Variants in F13A1 observed in about 807,000 individuals in gnomAD.
F13A1 encodes the protein FSF, A subunit.
In F13A1, 47 loss-of-function variants were observed where a neutral mutation model predicts 80.1. That is an observed-to-expected ratio of 0.59 (90% CI 0.46 to 0.75). The LOEUF (loss-of-function observed/expected upper bound fraction) is 0.75, where lower values mean the gene tolerates loss of function less well. F13A1 is among the 30% of genes least tolerant of loss of function. F13A1 has a pLI of 0.00. For missense variants in F13A1, 817 were observed against 930.4 expected, an observed-to-expected ratio of 0.88 and a Z score of 1.59; for synonymous variants, 349 against 344.9, an observed-to-expected ratio of 1.01 and a Z score of -0.13.
intron 13 of F13A1, among the ~76,000 whole-genome samples, chr6:6,166,778 G>C (rs1412809181): frequency 6.6e-6 from 1 of 152,232 alleles, no homozygotes; most frequent in East Asian, 1.9e-4. Context: ...TTTGGGCAGA[G>C]ATTTCTGGTG....
chr6:6,239,653 C>T (rs1467176521), intron 6 of F13A1, among the ~76,000 whole-genome samples: 1 of 152,100 alleles, frequency 6.6e-6, no homozygotes, highest in Non-Finnish European at 1.5e-5. Flanking sequence ...TGAGGATGCT[C>T]ATTTGGCCAA....
chr6:6,172,962 C>A (rs962184896), intron 12 of F13A1, among the ~76,000 whole-genome samples: 5 of 152,190 alleles, frequency 3.3e-5, no homozygotes, highest in Admixed American at 1.3e-4. Flanking sequence ...GCTTGACCAT[C>A]CCAGGGGAGC....
intron 4 of F13A1, among the ~76,000 whole-genome samples, chr6:6,251,724 G>A (rs1172922052): frequency 2.0e-5 from 3 of 152,138 alleles, no homozygotes; most frequent in Non-Finnish European, 2.9e-5. Context: ...TCAAGGTAAC[G>A]AAATAATTGA....
At chr6:6,200,231 CAAAT>C (rs754774717) in intron 8 of F13A1, among the ~76,000 whole-genome samples, 7 of 151,962 alleles carry the variant, frequency 4.6e-5, no homozygotes, top group African/African-American at 7.3e-5. Context: ...AGCCAGCTGA[CAAAT>C]GAATGAGGAG....
intron 8 of F13A1, among the ~76,000 whole-genome samples, chr6:6,213,333 G>C (rs1180022892): frequency 1.3e-5 from 2 of 151,886 alleles, no homozygotes; most frequent in African/African-American, 4.8e-5. Context: ...CGGATCTCTC[G>C]GCAGAAACTC....
chr6:6,177,879 G>A (rs768575815), intron 11 of F13A1, among the ~76,000 whole-genome samples: 3 of 152,214 alleles, frequency 2.0e-5, no homozygotes, highest in Non-Finnish European at 4.4e-5. Flanking sequence ...GACCAGGGAT[G>A]CAGGTGGGGG....
In F13A1 at chr6:6,197,676, CAAA is replaced by C. The variant is rs11343875; in HGVS notation, c.1113-353_1113-351del. ...CTGGTGACAGAGGGAGACTCCATCT[CAAA>C]AAAAAAAAAAAGTGACCCCAAATCC... is the stretch of plus-strand genomic sequence containing the variant. On this transcript the variant is annotated intron_variant, in intron 8 of 14. Coordinates refer to ENST00000264870, the MANE Select transcript of F13A1 (RefSeq NM_000129.4). Among the ~76,000 whole-genome samples, 241 of 137,746 alleles carry C rather than the reference CAAA, an allele frequency of 1.7e-3. 1 individual carries two copies. The highest frequency in any genetic ancestry group is 6.0e-3 in the African/African-American group (231 of 38,470). 90.4% of individuals were successfully genotyped at this position (137,746 alleles called of 152,430 possible). A position where few individuals can be genotyped will look rare whatever the true frequency, so the allele number is the denominator to read the frequency against.
chr6:6,319,290 C>T (rs1479293399), intron 1 of F13A1, among the ~76,000 whole-genome samples: 2 of 152,018 alleles, frequency 1.3e-5, no homozygotes, highest in Non-Finnish European at 2.9e-5. Context: ...AGGGTGGAGC[C>T]CAAGAAGAGC....
At chr6:6,231,402 C>G in intron 6 of F13A1, among the ~76,000 whole-genome samples, 1 of 152,012 alleles carries the variant, frequency 6.6e-6, no homozygotes, top group Admixed American at 6.6e-5. Context: ...AAAATATGAA[C>G]AAAGCCACCA....
At chr6:6,264,851 T>C (rs796796421) in intron 4 of F13A1, among the ~76,000 whole-genome samples, 59 of 152,324 alleles carry the variant, frequency 3.9e-4, no homozygotes, top group African/African-American at 1.3e-3. Context: ...CCTGTTACCA[T>C]TTACCTTGAA....
intron 12 of F13A1, among the ~76,000 whole-genome samples, chr6:6,171,124 G>A (rs1030388003): frequency 6.6e-6 from 1 of 152,188 alleles, no homozygotes; most frequent in Admixed American, 6.5e-5. Context: ...CAGGACACTT[G>A]TGAGGTGGGA....
intron 3 of F13A1, among the ~76,000 whole-genome samples, chr6:6,273,662 G>C (rs1254192327): frequency 1.3e-5 from 2 of 152,104 alleles, no homozygotes; most frequent in African/African-American, 4.8e-5. Context: ...TTTTCCCAAG[G>C]CGCACCTTTC....
At chr6:6,300,537 C>G (rs971055780) in intron 3 of F13A1, among the ~76,000 whole-genome samples, 2 of 152,128 alleles carry the variant, frequency 1.3e-5, no homozygotes, top group Non-Finnish European at 2.9e-5. Flanking sequence ...TTCTTTGACT[C>G]GGAAAGGGAA....
At chr6:6,308,783 G>T (rs1742936) in intron 2 of F13A1, among the ~76,000 whole-genome samples, 90,857 of 151,320 alleles carry the variant, frequency 0.6, 27,301 homozygotes, top group East Asian at 0.74. Flanking sequence ...TGGCTAATTT[G>T]TTTGTTTTTG....
chr6:6,145,431 C>T lies in F13A1; in HGVS notation c.*188G>A. On this transcript the variant is annotated 3_prime_UTR_variant, in exon 15 of 15. Transcript: ENST00000264870. ...GGTGGAGAGATTAAAAACTAACTTC[C>T]TTGCCGAATAGCCTGGGTTTGGAAA... 1 of 704,334 alleles carries T rather than the reference C, an allele frequency of 1.4e-6. No individual in the cohort carries two copies. The highest frequency in any genetic ancestry group is 2.5e-6 in the Non-Finnish European group (1 of 407,374). 43.6% of individuals were successfully genotyped at this position (704,334 alleles called of 1,614,324 possible). A position where few individuals can be genotyped will look rare whatever the true frequency, so the allele number is the denominator to read the frequency against.
chr6:6,186,323 C>T (rs1241947951), intron 10 of F13A1, among the ~76,000 whole-genome samples: 1 of 152,058 alleles, frequency 6.6e-6, no homozygotes, highest in Non-Finnish European at 1.5e-5. Flanking sequence ...ATGGTAATGC[C>T]TAGGTTTTCT....
rs115472179 is a variant in F13A1, at chr6:6,239,700, A to G, written c.798+8612T>C. ...CTAATTGACAATAATGAGAGAAATA[A>G]GCAAATGTGGACTGAGAGAGAAAAC... On this transcript the variant is annotated intron_variant, in intron 6 of 14. Coordinates refer to ENST00000264870, the MANE Select transcript of F13A1 (RefSeq NM_000129.4). 3.0e-3 allele frequency among the ~76,000 whole-genome samples: 407 copies of G among 136,130 alleles called. 4 individuals carry two copies. Among genetic ancestry groups the G allele is most frequent in the African/African-American group, 0.012 (389 of 33,138 alleles). The allele number at this position is 136,130 out of a possible 152,430, so 89.3% of individuals were successfully genotyped here. A position where few individuals can be genotyped will look rare whatever the true frequency, so the allele number is the denominator to read the frequency against.
intron 12 of F13A1, among the ~76,000 whole-genome samples, chr6:6,172,448 A>AGG (rs1760792544): frequency 1.3e-5 from 1 of 79,464 alleles, no homozygotes; most frequent in South Asian, 4.7e-4. Flanking sequence ...AAAACACTAT[A>AGG]GTGTTTTTTT....
chr6:6,312,688 C>CA (rs546263137), intron 2 of F13A1, among the ~76,000 whole-genome samples: 1 of 149,770 alleles, frequency 6.7e-6, no homozygotes, highest in South Asian at 2.1e-4. Flanking sequence ...AAAACAAAAA[C>CA]AAAAAAAGTC....
Sources: allele counts gnomAD v4.1 joint callset (sites outside exome capture counted in the v4.1 genomes callset), GRCh38; gene constraint gnomAD v4.1.1; transcripts MANE v1.5; gene names NCBI Gene and HGNC (gene_info 2026-07-23, HGNC 2026-07-21).